The following JAK1 variants were observed in gnomAD, a reference collection of about 807,000 sequenced individuals.
JAK1 encodes Janus kinase 1, also known as tyrosine-protein kinase JAK1.
Under a neutral mutation model 136.6 loss-of-function variants are expected in JAK1, and 16 were observed. That is an observed-to-expected ratio of 0.12 (90% CI 0.08 to 0.18). The LOEUF (loss-of-function observed/expected upper bound fraction) is 0.18, where lower values mean the gene tolerates loss of function less well. JAK1 is among the 10% of genes least tolerant of loss of function. JAK1 has a pLI of 1.00. For synonymous variants in JAK1, 492 were observed against 519.5 expected, an observed-to-expected ratio of 0.95 and a Z score of 0.72; for missense variants, 859 against 1,450.1, an observed-to-expected ratio of 0.59 and a Z score of 6.62.
At chr1:65,015,383 T>C (rs1348751117) in intron 2 of JAK1, among the ~76,000 whole-genome samples, 1 of 152,168 alleles carries the variant, frequency 6.6e-6, no homozygotes. Context: ...ACTAACTTTT[T>C]ACTTAATAGG....
chr1:64,904,740 C>T (rs12030794), intron 1 of JAK1, among the ~76,000 whole-genome samples: 1 of 103,280 alleles, frequency 9.7e-6, no homozygotes, highest in Non-Finnish European at 2.7e-5. Context: ...TCCCCACACA[C>T]ATATATACAC....
At position 64,836,086 on chromosome 1, in the gene JAK1, A is replaced by AG. The variant is rs1265217162; in HGVS notation, c.3258+11dup. 1 of 1,449,382 alleles carries AG rather than the reference A, an allele frequency of 6.9e-7. No individual in the cohort carries two copies. The allele number at this position is 1,449,382 out of a possible 1,614,324, so 89.8% of individuals were successfully genotyped here. A position where few individuals can be genotyped will look rare whatever the true frequency, so the allele number is the denominator to read the frequency against. ...GGTACTGGATTCAAATGAAGAGAAA[A>AG]GTAGGACTTACAGCCATGGGACTAG... On this transcript the variant is annotated intron_variant, in intron 23 of 24. Coordinates refer to ENST00000342505, the MANE Select transcript of JAK1 (RefSeq NM_002227.4).
chr1:64,946,639 AAG>A (rs1273831663), intron 1 of JAK1, among the ~76,000 whole-genome samples: 1 of 152,228 alleles, frequency 6.6e-6, no homozygotes, highest in Non-Finnish European at 1.5e-5. Context: ...GGGCACCAAA[AAG>A]AGTTAATTAC....
intron 9 of JAK1, among the ~76,000 whole-genome samples, chr1:64,858,330 G>C (rs74930334): frequency 1.3e-5 from 2 of 152,338 alleles, no homozygotes; most frequent in East Asian, 1.9e-4. Context: ...AATACTGACT[G>C]AATACATCCC....
chr1:64,949,712 G>C (rs962367633), intron 1 of JAK1, among the ~76,000 whole-genome samples: 7 of 152,164 alleles, frequency 4.6e-5, no homozygotes, highest in African/African-American at 1.7e-4. Context: ...GGCCATTTGT[G>C]ACTTAAGTTT....
At chr1:64,991,032 A>C (rs1184018014) in intron 2 of JAK1, among the ~76,000 whole-genome samples, 1 of 152,032 alleles carries the variant, frequency 6.6e-6, no homozygotes, top group East Asian at 1.9e-4. Context: ...CTTTAAAACA[A>C]TGCTCTTAAA....
intron 1 of JAK1, among the ~76,000 whole-genome samples, chr1:65,052,118 A>ACT (rs1647306012): frequency 1.1e-5 from 1 of 93,566 alleles, no homozygotes. Context: ...ACGCCTGGCT[A>ACT]TTTTTTTTTT....
At position 64,842,624 on chromosome 1, in the gene JAK1, T is replaced by G. The variant is rs182338248; in HGVS notation, c.2404-1023A>C. ...GGACTTAGGTGGAGAGAGACCCCTATTTTATTAAAGACACGGGTCCTTCCT... is the reference window on the plus strand; with the variant it reads ...GGACTTAGGTGGAGAGAGACCCCTAGTTTATTAAAGACACGGGTCCTTCCT... On this transcript the variant is annotated intron_variant, in intron 17 of 24. Coordinates refer to ENST00000342505, the MANE Select transcript of JAK1 (RefSeq NM_002227.4). Among the ~76,000 whole-genome samples the G allele has an allele frequency of 3.0e-3, 450 of 152,282 alleles. 2 individuals are homozygous for G. The highest frequency in any genetic ancestry group is 5.3e-3 in the Non-Finnish European group (363 of 68,034).
chr1:64,910,768 T>A (rs1224543904), intron 1 of JAK1, among the ~76,000 whole-genome samples: 2 of 145,668 alleles, frequency 1.4e-5, no homozygotes, highest in East Asian at 2.1e-4. Flanking sequence ...AGTTTGAACC[T>A]GGGAGGCAGA....
intron 3 of JAK1, 130 bp downstream of exon 3, chr1:64,883,147 C>A (rs573111184): frequency 1.3e-5 from 9 of 668,804 alleles, no homozygotes; most frequent in Admixed American, 3.4e-5. Context: ...GTGGCAGAGG[C>A]AGGGAGGAAC....
intron 1 of JAK1, among the ~76,000 whole-genome samples, chr1:64,963,105 G>A (rs539493066): frequency 1.7e-4 from 26 of 152,032 alleles, no homozygotes; most frequent in African/African-American, 6.0e-4. Context: ...ACAATGAACC[G>A]ATGTCTCTGA....
Position 64,936,698 on chromosome 1 carries a change from T to G in JAK1, c.-78+29635A>C, listed in dbSNP as rs72675491. On this transcript the variant is annotated intron_variant, in intron 1 of 24. Transcript: ENST00000342505. ...GTGATCCTAAAAAGCAGGAAAACACTAGGACCTACCTACCTCATTTGCTTG... is the reference window on the plus strand; with the variant it reads ...GTGATCCTAAAAAGCAGGAAAACACGAGGACCTACCTACCTCATTTGCTTG... Among the ~76,000 whole-genome samples the G allele has an allele frequency of 8.2e-3, 1,252 of 152,256 alleles. 11 individuals are homozygous for G. Among genetic ancestry groups the G allele is most frequent in the Non-Finnish European group, 0.014 (972 of 68,012 alleles).
At chr1:64,986,450 G>A (rs982228480) in intron 2 of JAK1, among the ~76,000 whole-genome samples, 97 of 152,076 alleles carry the variant, frequency 6.4e-4, no homozygotes, top group African/African-American at 2.2e-3. Context: ...ATCTAGGAGT[G>A]TGATTCCAGA....
chr1:64,876,093 G>A (rs1409315550), intron 4 of JAK1: 2 of 152,260 alleles, frequency 1.3e-5, no homozygotes, highest in South Asian at 2.1e-4. Context: ...AAAGGGTTCC[G>A]AGGATGGAGG....
chr1:64,919,952 A>C (rs901467751), intron 1 of JAK1, among the ~76,000 whole-genome samples: 1 of 152,146 alleles, frequency 6.6e-6, no homozygotes, highest in Admixed American at 6.6e-5. Context: ...GCACCTGCTA[A>C]GCACAGGGCC....
chr1:64,872,077 G>A (rs1179681178), intron 5 of JAK1, among the ~76,000 whole-genome samples: 1 of 152,118 alleles, frequency 6.6e-6, no homozygotes, highest in African/African-American at 2.4e-5. Context: ...AGCTCTACTG[G>A]CCCTCAGGGC....
At position 64,857,675 on chromosome 1, in the gene JAK1, G is replaced by A. The variant is rs1193986343; in HGVS notation, c.1439C>T (p.Thr480Ile). The A allele has an allele frequency of 7.4e-6, 12 of 1,614,188 alleles. No individual in the cohort carries two copies. Among genetic ancestry groups the A allele is most frequent in the Non-Finnish European group, 1.0e-5 (12 of 1,180,038 alleles). ...TDFDNILMTV[T>I]CFEKSEQVQG... Reference sequence around the variant, plus strand: ...ACTGACCTCAGACTTCTCAAAGCAGGTGACGGTCATGAGGATGTTGTCAAA... The same window carrying A: ...ACTGACCTCAGACTTCTCAAAGCAGATGACGGTCATGAGGATGTTGTCAAA... Residue 480 changes from threonine to isoleucine, a missense_variant, in exon 10 of 25, where the codon ACC becomes ATC. Around this residue, in one of 4 missense-constraint regions of JAK1, gnomAD observed 409 missense variants for 753.8 expected, o/e 0.54. Coordinates refer to ENST00000342505, the MANE Select transcript of JAK1 (RefSeq NM_002227.4).
intron 2 of JAK1, among the ~76,000 whole-genome samples, chr1:65,016,875 G>T (rs1027937654): frequency 4.6e-5 from 7 of 152,154 alleles, no homozygotes; most frequent in Admixed American, 2.6e-4. Flanking sequence ...TCCAGCCTGG[G>T]CAACAGAGCA....
chr1:65,052,793 G>A (rs527864663), intron 1 of JAK1, among the ~76,000 whole-genome samples: 7 of 139,310 alleles, frequency 5.0e-5, no homozygotes, highest in Admixed American at 7.6e-5. Flanking sequence ...CAGCCTGGGC[G>A]ACACTCCAGC....
Sources: gnomAD v4.1 joint callset for allele counts (sites outside exome capture counted in the v4.1 genomes callset) on GRCh38, gnomAD v4.1.1 for gene constraint, gnomAD v4.1.1 regional missense constraint, MANE v1.5 for transcripts, NCBI Gene and HGNC (gene_info 2026-07-23, HGNC 2026-07-21) for gene names.